Variants in CFAP99 observed in about 807,000 individuals in gnomAD.
CFAP99 encodes cilia- and flagella-associated protein 99.
A neutral mutation model predicts 82.7 loss-of-function variants in CFAP99; 84 were observed. The observed-to-expected ratio is 1.02, with a 90% CI of 0.85 to 1.22. The LOEUF (loss-of-function observed/expected upper bound fraction) is 1.22, where lower values mean the gene tolerates loss of function less well. Among genes scored for constraint, CFAP99 ranks in the 50% most tolerant of loss-of-function variants. The probability of loss-of-function intolerance (pLI) is 0.00; values close to 1 mark genes in which losing one functional copy is unlikely to be tolerated. For missense variants in CFAP99, 1,059 were observed against 983.5 expected (o/e 1.08, Z -1.03); for synonymous variants, 456 against 429.5 (o/e 1.06, Z -0.76).
chr4:2,459,117 G>T (rs902574005), exon 13 of CFAP99: 9 of 1,518,894 alleles, frequency 5.9e-6, no homozygotes, highest in Non-Finnish European at 7.9e-6. Context: ...TTCAGGAGGC[G>T]ATCGAGGAGA....
chr4:2,453,386 C>A (rs540742450), intron 11 of CFAP99, among the ~76,000 whole-genome samples: 1 of 152,286 alleles, frequency 6.6e-6, no homozygotes, highest in Admixed American at 6.5e-5. Context: ...AGATGTCACA[C>A]CAAAGAGTAA....
At chr4:2,454,368 C>T (rs1292804043) in intron 11 of CFAP99, among the ~76,000 whole-genome samples, 2 of 151,888 alleles carry the variant, frequency 1.3e-5, no homozygotes, top group Non-Finnish European at 2.9e-5. Context: ...AACTCCTGAC[C>T]TCAAGTGATC....
At chr4:2,423,797 T>G (rs890854779) in intron 1 of CFAP99, among the ~76,000 whole-genome samples, 1 of 151,414 alleles carries the variant, frequency 6.6e-6, no homozygotes, top group Non-Finnish European at 1.5e-5. Flanking sequence ...GCCAGCAGCA[T>G]CACTGTCTCT....
At chr4:2,422,109 C>T (rs1296362141) in intron 1 of CFAP99, among the ~76,000 whole-genome samples, 5 of 152,168 alleles carry the variant, frequency 3.3e-5, no homozygotes, top group African/African-American at 7.2e-5. Context: ...TGAAAGCAGG[C>T]GTCACAGTTG....
intron 6 of CFAP99, 71 bp from the exon 7 acceptor site, chr4:2,449,599 C>G: frequency 7.3e-7 from 1 of 1,374,490 alleles, no homozygotes. Flanking sequence ...AAGCTGTCAG[C>G]CCTGGCATTT....
At chr4:2,440,621 CTCACT>C (rs1734014691) in intron 4 of CFAP99, among the ~76,000 whole-genome samples, 9 of 151,804 alleles carry the variant, frequency 5.9e-5, no homozygotes, top group African/African-American at 2.2e-4. Flanking sequence ...GAGGTGGAGT[CTCACT>C]CTGTCCCCCA....
At position 2,446,130 on chromosome 4, in the gene CFAP99, C is replaced by T. The variant is rs1042869062; in HGVS notation, c.642+822C>T. On this transcript the variant is annotated intron_variant, in intron 6 of 14. Coordinates refer to ENST00000635017, the Ensembl canonical transcript of CFAP99. This position sits in a 1 kb window ranked among gnomAD's most constrained non-coding sequence, Gnocchi z 5.0. ...AGGCCCCAGAATCCTGCCCCACTCCCACCATCCTTCAGGTCTCATTAAAAT... is the reference window on the plus strand; with the variant it reads ...AGGCCCCAGAATCCTGCCCCACTCCTACCATCCTTCAGGTCTCATTAAAAT... Among the ~76,000 whole-genome samples, 1 of 152,178 alleles carries T rather than the reference C, an allele frequency of 6.6e-6. No homozygotes were observed. The highest frequency in any genetic ancestry group is 2.4e-5 in the African/African-American group (1 of 41,424).
chr4:2,442,754 G>A (rs961947604), intron 4 of CFAP99, among the ~76,000 whole-genome samples: 3 of 152,208 alleles, frequency 2.0e-5, no homozygotes, highest in Non-Finnish European at 4.4e-5. Flanking sequence ...GCCCACCCAG[G>A]GACCCCGGGG....
At chr4:2,454,252 C>T (rs1035422224) in intron 11 of CFAP99, among the ~76,000 whole-genome samples, 1 of 152,196 alleles carries the variant, frequency 6.6e-6, no homozygotes, top group Non-Finnish European at 1.5e-5. Context: ...CCACCCACCT[C>T]GGCCTCCCAA....
chr4:2,437,895 C>T (rs1733951126), intron 3 of CFAP99, among the ~76,000 whole-genome samples, 175 bp from the exon 4 acceptor site: 1 of 152,208 alleles, frequency 6.6e-6, no homozygotes, highest in South Asian at 2.1e-4. Flanking sequence ...AAATGCATTG[C>T]ACTCTAAGAC....
At chr4:2,429,752 C>T (rs1249373048) in intron 2 of CFAP99, among the ~76,000 whole-genome samples, 2 of 152,136 alleles carry the variant, frequency 1.3e-5, no homozygotes, top group Non-Finnish European at 2.9e-5. Flanking sequence ...CCACCACGCC[C>T]AGCTAATTTT....
intron 11 of CFAP99, among the ~76,000 whole-genome samples, chr4:2,456,350 A>G (rs947637682): frequency 1.3e-5 from 2 of 150,256 alleles, no homozygotes; most frequent in Admixed American, 1.3e-4. Flanking sequence ...ACCAGTTTTA[A>G]AGTACTCTAG....
rs559331571 is a variant in CFAP99 at position 2,448,338 on chromosome 4, G to A, written c.643-1332G>A. Among the ~76,000 whole-genome samples the A allele has an allele frequency of 6.6e-6, 1 of 152,324 alleles. No individual in the cohort carries two copies. The highest frequency in any genetic ancestry group is 2.4e-5 in the African/African-American group (1 of 41,568). ...CCATGTCCTCCCATGCTCTATAGCT[G>A]TGTGCCTCTCAGTACAATCTGTGAG... On this transcript the variant is annotated intron_variant, in intron 6 of 14. Transcript: ENST00000635017. This position sits in a 1 kb window ranked among gnomAD's most constrained non-coding sequence, Gnocchi z 5.2.
At chr4:2,452,429 G>C in intron 11 of CFAP99, 83 bp downstream of exon 11, 2 of 1,384,884 alleles carry the variant, frequency 1.4e-6, no homozygotes, top group Non-Finnish European at 2.0e-6. Flanking sequence ...AGGGCTGGCA[G>C]TGGAGCTGAG....
chr4:2,424,800 C>G (rs1471480593), intron 1 of CFAP99, among the ~76,000 whole-genome samples: 1 of 152,252 alleles, frequency 6.6e-6, no homozygotes, highest in Non-Finnish European at 1.5e-5. Flanking sequence ...CCTGACTCTT[C>G]CTGCACTGAA....
intron 11 of CFAP99, among the ~76,000 whole-genome samples, chr4:2,454,456 A>G (rs1734374649): frequency 6.6e-6 from 1 of 151,976 alleles, no homozygotes; most frequent in Non-Finnish European, 1.5e-5. Flanking sequence ...CTTTTGGAAT[A>G]CAAATACATT....
chr4:2,454,617 G>GTTTTGT (rs1734387029), intron 11 of CFAP99, among the ~76,000 whole-genome samples: 2 of 52,764 alleles, frequency 3.8e-5, no homozygotes, highest in Non-Finnish European at 7.9e-5. Flanking sequence ...TTTGGTTTTT[G>GTTTTGT]TTTTGTTTTT....
Position 2,462,822 on chromosome 4 carries a change from G to T in CFAP99, c.2041G>T (p.Ala681Ser). The T allele has an allele frequency of 7.3e-7, 1 of 1,360,760 alleles. No individual in the cohort carries two copies. The highest frequency in any genetic ancestry group is 9.5e-7 in the Non-Finnish European group (1 of 1,056,860). The allele number at this position is 1,360,760 out of a possible 1,614,324, so 84.3% of individuals were successfully genotyped here. ...CCCCGGCCTGCAGGCGCAGCTAGAG[G>T]CGCAGCACTGGCTGGAGCTGGAGCG... Residue 681 changes from alanine to serine, a missense_variant, in exon 15 of 15, where the codon GCG becomes TCG. Ala to Ser is a moderately conservative substitution (Grantham distance 99, BLOSUM62 1). Transcript: ENST00000635017. This position sits in a 1 kb window ranked among gnomAD's most constrained non-coding sequence, Gnocchi z 4.1.
chr4:2,438,626 TG>T (rs1448430527), intron 4 of CFAP99, among the ~76,000 whole-genome samples: 4 of 152,126 alleles, frequency 2.6e-5, no homozygotes, highest in Non-Finnish European at 4.4e-5. Flanking sequence ...AGTAGCAAGC[TG>T]GGCATGGTGG....
Sources: allele counts gnomAD v4.1 joint callset (sites outside exome capture counted in the v4.1 genomes callset), GRCh38; gene constraint gnomAD v4.1.1; non-coding constraint Gnocchi (gnomAD v3.1); transcripts MANE v1.5; gene names NCBI Gene and HGNC (gene_info 2026-07-23, HGNC 2026-07-21).